GRK5: variants seen among roughly 807,000 people sequenced by gnomAD.
The protein encoded by GRK5 is g protein-coupled receptor kinase GRK5.
In GRK5, 40 loss-of-function variants were observed where a neutral mutation model predicts 78.4. The observed-to-expected ratio is 0.51, with a 90% CI of 0.40 to 0.66. The LOEUF (loss-of-function observed/expected upper bound fraction) is 0.66, where lower values mean the gene tolerates loss of function less well. Among genes scored for constraint, GRK5 ranks in the 30% least tolerant of loss-of-function variants. The pLI, the probability that GRK5 is intolerant of heterozygous loss-of-function variation, is 0.00. For missense variants in GRK5, 598 were observed against 759.9 expected (o/e 0.79, Z 2.50); for synonymous variants, 289 against 296.8 (o/e 0.97, Z 0.27).
chr10:119,224,720 C>A (rs1194839823), intron 1 of GRK5, among the ~76,000 whole-genome samples: 1 of 152,106 alleles, frequency 6.6e-6, no homozygotes, highest in Non-Finnish European at 1.5e-5. Flanking sequence ...AGCCTAGTCA[C>A]CCACTTTTTA....
chr10:119,399,736 A>G (rs914505281), intron 4 of GRK5, among the ~76,000 whole-genome samples: 1 of 152,172 alleles, frequency 6.6e-6, no homozygotes, highest in African/African-American at 2.4e-5. Flanking sequence ...AAAGTTATTG[A>G]CCATAATTTT....
chr10:119,296,132 A>C (rs75729302), intron 1 of GRK5, among the ~76,000 whole-genome samples: 1 of 152,010 alleles, frequency 6.6e-6, no homozygotes, highest in African/African-American at 2.4e-5. Flanking sequence ...GGCTCTTCTT[A>C]TTTTTCTCCA....
At chr10:119,225,774 A>G (rs10787933) in intron 1 of GRK5, among the ~76,000 whole-genome samples, 143,711 of 149,948 alleles carry the variant, frequency 0.96, 69,094 homozygotes, top group Non-Finnish European at 1. Flanking sequence ...GGGTTCAAGC[A>G]ATTCTCCTGT....
intron 8 of GRK5, among the ~76,000 whole-genome samples, chr10:119,435,906 C>T (rs1852909324): frequency 6.6e-6 from 1 of 152,212 alleles, no homozygotes. Flanking sequence ...GGAGGCCCCA[C>T]AATCATGGCA....
intron 1 of GRK5, among the ~76,000 whole-genome samples, chr10:119,262,692 A>G (rs1849432240): frequency 6.6e-6 from 1 of 152,116 alleles, no homozygotes; most frequent in South Asian, 2.1e-4. Context: ...TGACCAAGAG[A>G]TGCCTGATTA....
chr10:119,366,464 A>G (rs889408885), intron 2 of GRK5, among the ~76,000 whole-genome samples: 1 of 152,180 alleles, frequency 6.6e-6, no homozygotes, highest in African/African-American at 2.4e-5. Context: ...ATGATCACAC[A>G]TGTGGTGCAG....
At chr10:119,393,039 T>C (rs1422564840) in intron 3 of GRK5, among the ~76,000 whole-genome samples, 1 of 152,204 alleles carries the variant, frequency 6.6e-6, no homozygotes, top group Non-Finnish European at 1.5e-5. Flanking sequence ...TGATCTGCCT[T>C]GAGCTCGGCC....
chr10:119,258,467 A>G (rs534459678), intron 1 of GRK5, among the ~76,000 whole-genome samples: 2 of 152,314 alleles, frequency 1.3e-5, no homozygotes, highest in South Asian at 4.1e-4. Flanking sequence ...GCTGGGTCAC[A>G]TGGTAGGTGT....
intron 2 of GRK5, among the ~76,000 whole-genome samples, chr10:119,331,224 C>T (rs1185021645): frequency 2.6e-5 from 4 of 152,224 alleles, no homozygotes; most frequent in Admixed American, 1.3e-4. Flanking sequence ...GTGTGAGGAA[C>T]GTGCGTGCTG....
Position 119,440,600 on chromosome 10 carries a change from G to A in GRK5, c.967+832G>A, listed in dbSNP as rs530024272. ...AGTTTTACTCTTGTTGCCCAGGCTG[G>A]AGTGCAGTGGTGCAATCTCAACTCA... On this transcript the variant is annotated intron_variant, in intron 10 of 15. Transcript: ENST00000392870. Among the ~76,000 whole-genome samples, 43 of 150,866 alleles carry A rather than the reference G, an allele frequency of 2.9e-4. 1 individual carries two copies. Among genetic ancestry groups the A allele is most frequent in the African/African-American group, 1.0e-3 (41 of 41,062 alleles).
chr10:119,223,671 G>A (rs946640239), intron 1 of GRK5, among the ~76,000 whole-genome samples: 2 of 150,660 alleles, frequency 1.3e-5, no homozygotes, highest in East Asian at 3.9e-4. Context: ...CAGCCTATCC[G>A]ATTTTAAACC....
intron 1 of GRK5, among the ~76,000 whole-genome samples, chr10:119,297,337 C>T (rs1198958074): frequency 1.3e-5 from 2 of 152,190 alleles, no homozygotes; most frequent in Non-Finnish European, 2.9e-5. Context: ...TTATCACTAT[C>T]ACCATAATTG....
chr10:119,271,500 A>C lies in GRK5; in HGVS notation c.53-55016A>C, dbSNP rs1849582087. Reference sequence around the variant, plus strand: ...AGACATTTAGCATATACAGATCTGCACACTTGACAAAGAGGAATTTGGAGC... The same window carrying C: ...AGACATTTAGCATATACAGATCTGCCCACTTGACAAAGAGGAATTTGGAGC... On this transcript the variant is annotated intron_variant, in intron 1 of 15. Coordinates refer to ENST00000392870, the MANE Select transcript of GRK5 (RefSeq NM_005308.3). The surrounding 1 kb of genome is among the most constrained non-coding windows in gnomAD (Gnocchi z 4.1). Among the ~76,000 whole-genome samples, 1 of 152,222 alleles carries C rather than the reference A, an allele frequency of 6.6e-6. No individual in the cohort carries two copies.
intron 2 of GRK5, among the ~76,000 whole-genome samples, chr10:119,343,857 C>T (rs984374126): frequency 6.6e-6 from 1 of 152,158 alleles, no homozygotes; most frequent in African/African-American, 2.4e-5. Flanking sequence ...GGCGGGCTTC[C>T]AGGCTATATG....
intron 2 of GRK5, among the ~76,000 whole-genome samples, chr10:119,346,936 C>T (rs1056392501): frequency 2.0e-5 from 3 of 152,170 alleles, no homozygotes; most frequent in Non-Finnish European, 2.9e-5. Flanking sequence ...TAGGAACTGA[C>T]GGAAGTAAGT....
chr10:119,322,204 T>G (rs1850597373), intron 1 of GRK5, among the ~76,000 whole-genome samples: 1 of 152,208 alleles, frequency 6.6e-6, no homozygotes, highest in South Asian at 2.1e-4. Flanking sequence ...CCCCCCATCT[T>G]GGCCTCCCAA....
chr10:119,427,923 A>T (rs765587515), intron 6 of GRK5, among the ~76,000 whole-genome samples: 3 of 36,724 alleles, frequency 8.2e-5, no homozygotes, highest in Non-Finnish European at 1.1e-4. Context: ...CGTCAGCATC[A>T]CTGCCATCAT....
chr10:119,281,587 C>T (rs1849763730), intron 1 of GRK5, among the ~76,000 whole-genome samples: 1 of 152,118 alleles, frequency 6.6e-6, no homozygotes, highest in African/African-American at 2.4e-5. Flanking sequence ...GTGGTGGCAT[C>T]TTCTTCACAG....
At chr10:119,218,634 T>C (rs1848613022) in intron 1 of GRK5, among the ~76,000 whole-genome samples, 1 of 152,148 alleles carries the variant, frequency 6.6e-6, no homozygotes, top group Non-Finnish European at 1.5e-5. Flanking sequence ...CTCCTAGCTC[T>C]AGGAAGAATA....
Sources: allele counts gnomAD v4.1 joint callset (sites outside exome capture counted in the v4.1 genomes callset), GRCh38; gene constraint gnomAD v4.1.1; non-coding constraint Gnocchi (gnomAD v3.1); transcripts MANE v1.5; gene names NCBI Gene and HGNC (gene_info 2026-07-23, HGNC 2026-07-21).